The following C10orf90 variants were observed in gnomAD, a reference collection of about 807,000 sequenced individuals.
C10orf90 encodes (E2-independent) E3 ubiquitin-conjugating enzyme FATS.
C10orf90 carries 56 observed loss-of-function variants against 62.5 expected under a neutral mutation model. The observed-to-expected ratio is 0.90, with a 90% CI of 0.72 to 1.12. C10orf90 has a LOEUF of 1.12. Ranked by LOEUF, C10orf90 falls within the 50% of genes most tolerant of loss-of-function variation. The pLI is 0.00. For missense variants in C10orf90, 970 were observed against 880.4 expected, an observed-to-expected ratio of 1.10 and a Z score of -1.29; for synonymous variants, 386 against 340.4, an observed-to-expected ratio of 1.13 and a Z score of -1.47.
At chr10:126,591,522 G>C (rs1401339898) in intron 2 of C10orf90, among the ~76,000 whole-genome samples, 1 of 151,950 alleles carries the variant, frequency 6.6e-6, no homozygotes, top group East Asian at 1.9e-4. Context: ...ACTCTCAGCA[G>C]ACTAGGTATT....
In C10orf90 at chr10:126,520,677, A is replaced by T. The variant is rs547114639; in HGVS notation, c.314-6738T>A. ...GAGCAGCTGGATACAACAGGGATTTACTCCTTCCCAGTTCTGGAGGCCAGA... is the reference window on the plus strand; with the variant it reads ...GAGCAGCTGGATACAACAGGGATTTTCTCCTTCCCAGTTCTGGAGGCCAGA... On this transcript the variant is annotated intron_variant, in intron 2 of 9. Coordinates refer to ENST00000488181, the MANE Select transcript of C10orf90 (RefSeq NM_001350921.2). 3 of 152,244 alleles carry T rather than the reference A, an allele frequency of 2.0e-5. 1 individual carries two copies. In the South Asian group the frequency reaches 6.2e-4, roughly 32 times the overall value. 9.4% of individuals were successfully genotyped at this position (152,244 alleles called of 1,614,324 possible).
Position 126,474,249 on chromosome 10 carries a change from C to T in C10orf90, c.1535-9263G>A, listed in dbSNP as rs139420486. Among the ~76,000 whole-genome samples, 196 of 152,278 alleles carry T rather than the reference C, an allele frequency of 1.3e-3. 1 individual carries two copies. The highest frequency in any genetic ancestry group is 4.3e-3 in the African/African-American group (179 of 41,548). ...AAGGTCAAGGAGGCTCCATCTGCCTCCATGACCACGGGTGCTGAAAGGAGT... is the reference window on the plus strand; with the variant it reads ...AAGGTCAAGGAGGCTCCATCTGCCTTCATGACCACGGGTGCTGAAAGGAGT... On this transcript the variant is annotated intron_variant, in intron 4 of 9. Transcript: ENST00000488181.
intron 4 of C10orf90, among the ~76,000 whole-genome samples, chr10:126,493,461 T>C (rs1025826817): frequency 1.3e-4 from 20 of 151,818 alleles, no homozygotes; most frequent in Admixed American, 7.2e-4. Flanking sequence ...CCCAGGTTCA[T>C]GTGATTCATC....
chr10:126,546,101 C>CA (rs1330449714), intron 2 of C10orf90, among the ~76,000 whole-genome samples: 12 of 151,770 alleles, frequency 7.9e-5, no homozygotes, highest in African/African-American at 2.4e-4. Flanking sequence ...GGGCCAAAGA[C>CA]AGAAAAAACC....
At chr10:126,462,552 C>T (rs1438729733) in intron 5 of C10orf90, among the ~76,000 whole-genome samples, 1 of 152,128 alleles carries the variant, frequency 6.6e-6, no homozygotes, top group Admixed American at 6.5e-5. Context: ...GCATCCATCA[C>T]CAGGTGGGGT....
intron 3 of C10orf90, among the ~76,000 whole-genome samples, chr10:126,507,024 A>C (rs548710289): frequency 6.6e-6 from 1 of 152,006 alleles, no homozygotes; most frequent in South Asian, 2.1e-4. Context: ...CTTGTTTTGC[A>C]TGACAATCTC....
intron 1 of C10orf90, among the ~76,000 whole-genome samples, chr10:126,653,975 T>C (rs998481874): frequency 2.0e-5 from 3 of 152,178 alleles, no homozygotes; most frequent in African/African-American, 4.8e-5. Flanking sequence ...GGAATCTTTT[T>C]TTTTCTAAGC....
At chr10:126,518,041 G>T (rs554904090) in intron 2 of C10orf90, among the ~76,000 whole-genome samples, 2 of 127,288 alleles carry the variant, frequency 1.6e-5, no homozygotes, top group Admixed American at 8.4e-5. Context: ...TCCTTATCAG[G>T]TTTCCCTCAC....
At chr10:126,621,909 T>C (rs1845651006) in intron 2 of C10orf90, among the ~76,000 whole-genome samples, 1 of 152,226 alleles carries the variant, frequency 6.6e-6, no homozygotes, top group African/African-American at 2.4e-5. Context: ...TCTTGTTTCA[T>C]GGTCTTTGAA....
intron 1 of C10orf90, among the ~76,000 whole-genome samples, chr10:126,667,336 G>A (rs1564916837): frequency 6.6e-6 from 1 of 152,076 alleles, no homozygotes; most frequent in Non-Finnish European, 1.5e-5. Flanking sequence ...GGGATTACAG[G>A]CGTGAGCCAC....
At chr10:126,497,734 A>G (rs1158849629) in intron 4 of C10orf90, among the ~76,000 whole-genome samples, 1 of 152,226 alleles carries the variant, frequency 6.6e-6, no homozygotes, top group African/African-American at 2.4e-5. Flanking sequence ...TTTGTGAGCT[A>G]TAAGGTCTCT....
At chr10:126,659,914 C>T (rs768266190) in intron 1 of C10orf90, among the ~76,000 whole-genome samples, 7 of 152,232 alleles carry the variant, frequency 4.6e-5, no homozygotes, top group African/African-American at 7.2e-5. Flanking sequence ...TTCATTTCTT[C>T]GTTCATAATG....
intron 2 of C10orf90, among the ~76,000 whole-genome samples, chr10:126,576,812 A>G (rs1844636858): frequency 6.8e-6 from 1 of 147,882 alleles, no homozygotes; most frequent in African/African-American, 2.5e-5. Flanking sequence ...AATACTATTC[A>G]GCCATAAAAA....
intron 3 of C10orf90, among the ~76,000 whole-genome samples, chr10:126,508,162 A>T (rs1040186371): frequency 2.9e-5 from 4 of 135,716 alleles, no homozygotes; most frequent in Non-Finnish European, 4.5e-5. Context: ...AGTGAGTGAG[A>T]GAGAGAGAGA....
At chr10:126,535,386 G>T (rs917506866) in intron 2 of C10orf90, among the ~76,000 whole-genome samples, 1 of 151,852 alleles carries the variant, frequency 6.6e-6, no homozygotes, top group Non-Finnish European at 1.5e-5. Flanking sequence ...GTGTGGTGGC[G>T]GGTGCCTGTA....
At chr10:126,497,586 C>A (rs1424429035) in intron 4 of C10orf90, among the ~76,000 whole-genome samples, 1 of 152,154 alleles carries the variant, frequency 6.6e-6, no homozygotes, top group Non-Finnish European at 1.5e-5. Context: ...ATCTTGTCCA[C>A]CTCTCTAATT....
In C10orf90 at chr10:126,576,095, G is replaced by C. The variant is rs75011520; in HGVS notation, c.314-62156C>G. Reference sequence around the variant, plus strand: ...ATGGGATTATACAGCAAACTGAAAAGCTTCTGCACAGCAAAGGAAACAACC... The same window carrying C: ...ATGGGATTATACAGCAAACTGAAAACCTTCTGCACAGCAAAGGAAACAACC... On this transcript the variant is annotated intron_variant, in intron 2 of 9. Coordinates refer to ENST00000488181, the MANE Select transcript of C10orf90 (RefSeq NM_001350921.2). 3.3e-3 allele frequency among the ~76,000 whole-genome samples: 506 copies of C among 152,170 alleles called. 4 individuals are homozygous for C. The highest frequency in any genetic ancestry group is 0.012 in the African/African-American group (494 of 41,546).
At chr10:126,628,957 C>T (rs1194176939) in intron 2 of C10orf90, among the ~76,000 whole-genome samples, 4 of 152,306 alleles carry the variant, frequency 2.6e-5, no homozygotes, top group Non-Finnish European at 4.4e-5. Context: ...TGCTCTACCC[C>T]GTGGCACACC....
intron 2 of C10orf90, among the ~76,000 whole-genome samples, chr10:126,580,477 AC>A (rs1844723691): frequency 6.6e-6 from 1 of 151,668 alleles, no homozygotes; most frequent in Admixed American, 6.6e-5. Context: ...CATGGTGAAA[AC>A]CCGTCTTTAC....
Sources: allele counts gnomAD v4.1 joint callset (sites outside exome capture counted in the v4.1 genomes callset), GRCh38; gene constraint gnomAD v4.1.1; transcripts MANE v1.5; gene names NCBI Gene and HGNC (gene_info 2026-07-23, HGNC 2026-07-21).